LSR: variants seen among roughly 807,000 people sequenced by gnomAD.
LSR encodes the protein lipolysis-stimulated lipoprotein receptor.
LSR carries 44 observed loss-of-function variants against 61.8 expected under a neutral mutation model. The ratio of observed to expected loss-of-function variants is 0.71; its 90% confidence interval spans 0.56 to 0.91. LSR has a LOEUF of 0.91. LSR is among the 40% of genes least tolerant of loss of function. LSR has a pLI of 0.00. For synonymous variants in LSR, 397 were observed against 350.6 expected (o/e 1.13, Z -1.48); for missense variants, 911 against 830.5 (o/e 1.10, Z -1.19).
chr19:35,257,339 C>T lies in LSR; in HGVS notation c.455-1606C>T, dbSNP rs115888493. ...AAGCCCAGCCCACAGGGGGACAGTG[C>T]AAATCTAGAACCAAGGCGATGGCAG... On this transcript the variant is annotated intron_variant, in intron 2 of 9. Coordinates refer to ENST00000605618, the MANE Select transcript of LSR (RefSeq NM_205834.4). Among the ~76,000 whole-genome samples, 930 of 152,188 alleles carry T rather than the reference C, an allele frequency of 6.1e-3. 13 individuals carry two copies. The highest frequency in any genetic ancestry group is 0.021 in the African/African-American group (863 of 41,524).
chr19:35,252,025 G>A (rs367624841), intron 2 of LSR, among the ~76,000 whole-genome samples: 12,791 of 149,410 alleles, frequency 0.086, 738 homozygotes, highest in Non-Finnish European at 0.13. Context: ...TAGTAGAGAC[G>A]GGGTTTCACC....
At chr19:35,255,946 G>A (rs747681411) in intron 2 of LSR, among the ~76,000 whole-genome samples, 3 of 152,034 alleles carry the variant, frequency 2.0e-5, no homozygotes, top group Non-Finnish European at 4.4e-5. Context: ...TTAATTAAGA[G>A]CTCAGGCCTA....
Position 35,266,676 on chromosome 19 carries a change from C to T in LSR, c.953-3C>T, listed in dbSNP as rs747882299. Reference sequence around the variant, plus strand: ...GCGGCCACTGACAGCCACTCTCCCCCAGCTGGTGGCCAAGGCTCCTATGTA... The same window carrying T: ...GCGGCCACTGACAGCCACTCTCCCCTAGCTGGTGGCCAAGGCTCCTATGTA... On this transcript the variant is annotated splice_polypyrimidine_tract_variant and splice_region_variant and intron_variant, in intron 6 of 9. Transcript: ENST00000605618. 1.9e-6 allele frequency: 3 copies of T among 1,607,340 alleles called. No individual in the cohort carries two copies. The highest frequency in any genetic ancestry group is 2.7e-5 in the African/African-American group (2 of 74,886).
rs773341925 is a variant in LSR at position 35,249,027 on chromosome 19, C to T, written c.5C>T (p.Ala2Val). The T allele has an allele frequency of 5.6e-6, 9 of 1,601,798 alleles. No homozygotes were observed. Among genetic ancestry groups the T allele is most frequent in the Middle Eastern group, 1.8e-4 (1 of 5,572 alleles). Residue 2 changes from alanine to valine, a missense_variant, in exon 1 of 10, where the codon GCG becomes GTG. Transcript: ENST00000605618. The stretch of plus-strand genomic sequence containing the variant: ...AGACGCGCCCAGACGGCCGCGATGG[C>T]GCTGTTGGCCGGCGGGCTCTCCAGA... M[A>V]LLAGGLSRGL...
At position 35,267,631 on chromosome 19, in the gene LSR, G is replaced by A. The variant is rs1437400731; in HGVS notation, c.1667G>A (p.Arg556Lys). Residue 556 changes from arginine (R) to lysine (K), a missense_variant, in exon 9 of 10, where the codon AGG becomes AAG. By Grantham distance (26) the Arg-to-Lys change is conservative. Transcript: ENST00000605618. ...AVRKKGSEER[R>K]RPHKEEEEEA... is the part of the protein sequence containing the mutation. ...AGGAAGAAGGGGTCGGAGGAGAGGA[G>A]GAGACCCCACAAGGAGGAGGAGGAA... The A allele has an allele frequency of 1.2e-6, 2 of 1,612,144 alleles. No homozygotes were observed. The highest frequency in any genetic ancestry group is 1.7e-5 in the Admixed American group (1 of 59,872).
rs2145554474 is a variant in LSR at position 35,267,514 on chromosome 19, G to A, written c.1550G>A (p.Arg517Lys). 6.2e-7 allele frequency: 1 copy of A among 1,611,954 alleles called. No homozygotes were observed. The highest frequency in any genetic ancestry group is 2.2e-5 in the East Asian group (1 of 44,858). Reference protein sequence around the residue: ...RSRERPPADPRSHHHRTRDPR... With the variant: ...RSRERPPADPKSHHHRTRDPR... Reference sequence around the variant, plus strand: ...CGGGAGCGCCCTCCTGCCGACCCCAGGTCCCACCACCACCGTACCCGGGAC... The same window carrying A: ...CGGGAGCGCCCTCCTGCCGACCCCAAGTCCCACCACCACCGTACCCGGGAC... The change falls in exon 9 of 10, where the codon AGG becomes AAG. Residue 517 changes from arginine (R) to lysine (K), a missense_variant. By Grantham distance (26) the Arg-to-Lys change is conservative (BLOSUM62 2). Coordinates refer to ENST00000605618, the MANE Select transcript of LSR (RefSeq NM_205834.4).
rs758198690 is a variant in LSR at position 35,266,826 on chromosome 19, CT to C, written c.1013-9del. The C allele has an allele frequency of 2.5e-6, 4 of 1,606,990 alleles. No homozygotes were observed. The highest frequency in any genetic ancestry group is 2.7e-5 in the African/African-American group (2 of 74,790). On this transcript the variant is annotated splice_polypyrimidine_tract_variant and intron_variant, in intron 7 of 9. Coordinates refer to ENST00000605618, the MANE Select transcript of LSR (RefSeq NM_205834.4). ...TCCTCCCAAACCGACCACCACCCCCCTGTCCCTAGAAGTCCGCAGTGGCTAC... is the reference window on the plus strand; with the variant it reads ...TCCTCCCAAACCGACCACCACCCCCCGTCCCTAGAAGTCCGCAGTGGCTAC...
Position 35,266,826 on chromosome 19 carries a change from C to A in LSR, c.1013-10C>A, listed in dbSNP as rs373408430. ...TCCTCCCAAACCGACCACCACCCCC[C>A]TGTCCCTAGAAGTCCGCAGTGGCTA... On this transcript the variant is annotated splice_polypyrimidine_tract_variant and intron_variant, in intron 7 of 9. Transcript: ENST00000605618. The A allele has an allele frequency of 2.5e-6, 4 of 1,606,990 alleles. No homozygotes were observed. In the African/African-American group the frequency reaches 5.3e-5, roughly 21 times the overall value.
intron 2 of LSR, 132 bp from the exon 3 acceptor site, chr19:35,258,813 A>G: frequency 8.9e-7 from 1 of 1,122,660 alleles, no homozygotes; most frequent in Non-Finnish European, 1.3e-6. Flanking sequence ...TTGCATATGC[A>G]TTTGATCATC....
Position 35,267,414 on chromosome 19 carries a change from G to T in LSR, c.1450G>T (p.Asp484Tyr). 6.2e-7 allele frequency: 1 copy of T among 1,610,072 alleles called. No individual in the cohort carries two copies. The highest frequency in any genetic ancestry group is 8.5e-7 in the Non-Finnish European group (1 of 1,179,046). Residue 484 changes from aspartate (D) to tyrosine (Y), a missense_variant, in exon 9 of 10, where the codon GAC becomes TAC. Transcript: ENST00000605618. ...CATGCCCCCGCGGAGCCGCAGCCGGGACGACCTCTATGACCAAGACGACTC... is the reference window on the plus strand; with the variant it reads ...CATGCCCCCGCGGAGCCGCAGCCGGTACGACCTCTATGACCAAGACGACTC... Reference protein sequence around the residue: ...AYMPPRSRSRDDLYDQDDSRD... With the variant: ...AYMPPRSRSRYDLYDQDDSRD...
intron 2 of LSR, among the ~76,000 whole-genome samples, chr19:35,255,266 C>T (rs183226694): frequency 8.1e-4 from 123 of 152,232 alleles, no homozygotes; most frequent in African/African-American, 2.7e-3. Context: ...GCTGCAGTGA[C>T]CCATGATCGC....
In LSR at chr19:35,250,660, GTA is replaced by G. The variant is rs2145490079; in HGVS notation, c.454+3_454+4del. The G allele has an allele frequency of 6.4e-7, 1 of 1,551,998 alleles. No homozygotes were observed. The highest frequency in any genetic ancestry group is 8.8e-7 in the Non-Finnish European group (1 of 1,141,766). On this transcript the variant is annotated splice_donor_variant and splice_donor_region_variant and intron_variant, in intron 2 of 9. Coordinates refer to ENST00000605618, the MANE Select transcript of LSR (RefSeq NM_205834.4). LOFTEE classifies it high-confidence loss of function. ...GGCCGGAGGATTACCATCACCGGAA[GTA>G]TGTTGGGCAGGGCAGGGGGATGAGG...
rs959095164 is a variant in LSR, at chr19:35,262,696, A to G, written c.778+4A>G. The G allele has an allele frequency of 2.5e-6, 4 of 1,612,868 alleles. No individual in the cohort carries two copies. Among genetic ancestry groups the G allele is most frequent in the Non-Finnish European group, 3.4e-6 (4 of 1,179,616 alleles). On this transcript the variant is annotated splice_donor_region_variant and intron_variant, in intron 5 of 9. Coordinates refer to ENST00000605618, the MANE Select transcript of LSR (RefSeq NM_205834.4). Reference sequence around the variant, plus strand: ...AAGTGCTGCTGCCCCGAGGCCCGTAAGTGTCCCGCTCATGGCCACCCTGGT... The same window carrying G: ...AAGTGCTGCTGCCCCGAGGCCCGTAGGTGTCCCGCTCATGGCCACCCTGGT...
Position 35,250,606 on chromosome 19 carries a change from A to G in LSR, c.401A>G (p.Asn134Ser). Residue 134 changes from asparagine to serine, a missense_variant, in exon 2 of 10, where the codon AAC becomes AGC. By Grantham distance (46) the Asn-to-Ser change is conservative. Coordinates refer to ENST00000605618, the MANE Select transcript of LSR (RefSeq NM_205834.4). Reference protein sequence around the residue: ...TVRVVATKQGNAVTLGDYYQG... With the variant: ...TVRVVATKQGSAVTLGDYYQG... ...AGGGTCGTGGCCACCAAGCAGGGCA[A>G]CGCTGTGACCCTGGGAGATTACTAC... 1 of 1,604,686 alleles carries G rather than the reference A, an allele frequency of 6.2e-7. No homozygotes were observed. Among genetic ancestry groups the G allele is most frequent in the South Asian group, 1.1e-5 (1 of 90,320 alleles).
At position 35,267,647 on chromosome 19, in the gene LSR, G is replaced by C; in HGVS notation, c.1683G>C (p.Glu561Asp). The change falls in exon 9 of 10, where the codon GAG becomes GAC. Residue 561 changes from glutamate to aspartate, a missense_variant. By Grantham distance (45) the Glu-to-Asp change is conservative. Transcript: ENST00000605618. The stretch of plus-strand genomic sequence containing the variant: ...AGGAGAGGAGGAGACCCCACAAGGA[G>C]GAGGAGGAAGAGGCCTACTACCCGC... The part of the protein sequence containing the change: ...GSEERRRPHK[E>D]EEEEAYYPPA... 3 of 1,610,688 alleles carry C rather than the reference G, an allele frequency of 1.9e-6. No homozygotes were observed. Among genetic ancestry groups the C allele is most frequent in the Non-Finnish European group, 2.5e-6 (3 of 1,178,940 alleles).
intron 1 of LSR, among the ~76,000 whole-genome samples, chr19:35,249,862 A>G (rs1316904553): frequency 1.3e-5 from 2 of 151,900 alleles, no homozygotes; most frequent in East Asian, 3.9e-4. Context: ...CAGGCAAACA[A>G]CTCCATGGTT....
rs376358613 is a variant in LSR at position 35,249,742 on chromosome 19, C to G, written c.110-573C>G. Reference sequence around the variant, plus strand: ...ATATTTGGGTGGTGATGAGGTCTTTCCCGAGACACTTTTGGTTCAGTCATT... The same window carrying G: ...ATATTTGGGTGGTGATGAGGTCTTTGCCGAGACACTTTTGGTTCAGTCATT... On this transcript the variant is annotated intron_variant, in intron 1 of 9. Coordinates refer to ENST00000605618, the MANE Select transcript of LSR (RefSeq NM_205834.4). Among the ~76,000 whole-genome samples, 21 of 152,150 alleles carry G rather than the reference C, an allele frequency of 1.4e-4. No individual in the cohort carries two copies. In the East Asian group the frequency reaches 2.7e-3, roughly 20 times the overall value.
rs994579399 is a variant in LSR at position 35,267,829 on chromosome 19, G to C, written c.1776G>C (p.Leu592Phe). The C allele has an allele frequency of 4.3e-6, 7 of 1,613,798 alleles. No homozygotes were observed. The highest frequency in any genetic ancestry group is 5.9e-6 in the Non-Finnish European group (7 of 1,179,940). Reference protein sequence around the residue: ...ASRERRLKKNLALSRESLVV With the variant: ...ASRERRLKKNFALSRESLVV ...TCTTTCTTTCTCCCTTGCAGAACTTGGCCCTGAGTCGGGAAAGTTTAGTCG... is the reference window on the plus strand; with the variant it reads ...TCTTTCTTTCTCCCTTGCAGAACTTCGCCCTGAGTCGGGAAAGTTTAGTCG... The change falls in exon 10 of 10, where the codon TTG (leucine) becomes TTC (phenylalanine). Residue 592 changes from leucine to phenylalanine, a missense_variant. Transcript: ENST00000605618.
rs749465314 is a variant in LSR, at chr19:35,266,913, C to T, written c.1090C>T (p.Leu364=). The change falls in exon 8 of 10, where the codon CTG becomes TTG. Residue 364 remains leucine (L), a synonymous_variant. Transcript: ENST00000605618. Reference sequence around the variant, plus strand: ...GGTCCTGTACTACATGGAGAAGGAGCTGGCCAACTTCGACCCTTCTCGACC... The same window carrying T: ...GGTCCTGTACTACATGGAGAAGGAGTTGGCCAACTTCGACCCTTCTCGACC... ...MRVLYYMEKE[L]ANFDPSRPGP... The T allele has an allele frequency of 1.9e-6, 3 of 1,613,840 alleles. No homozygotes were observed. Among genetic ancestry groups the T allele is most frequent in the Non-Finnish European group, 2.5e-6 (3 of 1,179,908 alleles).
Sources: gnomAD v4.1 joint callset for allele counts (sites outside exome capture counted in the v4.1 genomes callset) on GRCh38, gnomAD v4.1.1 for gene constraint, MANE v1.5 for transcripts, NCBI Gene and HGNC (gene_info 2026-07-23, HGNC 2026-07-21) for gene names.